OTOGL: variants seen among roughly 807,000 people sequenced by gnomAD.
OTOGL encodes otogelin-like protein.
In OTOGL, 285 loss-of-function variants were observed where a neutral mutation model predicts 318.5. The observed-to-expected ratio is 0.89, with a 90% CI of 0.81 to 0.99. OTOGL has a LOEUF of 0.99. Among genes scored for constraint, OTOGL ranks in the 50% least tolerant of loss-of-function variants. OTOGL has a pLI of 0.00. For missense variants in OTOGL, 2,899 were observed against 2,845.6 expected (o/e 1.02, Z -0.43); for synonymous variants, 987 against 936.5 (o/e 1.05, Z -0.99).
intron 29 of OTOGL, 82 bp downstream of exon 29, chr12:80,305,777 G>T: frequency 4.5e-6 from 5 of 1,101,902 alleles, no homozygotes; most frequent in South Asian, 2.7e-5. Flanking sequence ...TCTTATTTAG[G>T]TAATATTATT....
At chr12:80,217,791 C>G (rs1262187913) in intron 5 of OTOGL, 127 bp downstream of exon 5, 1 of 627,202 alleles carries the variant, frequency 1.6e-6, no homozygotes, top group Non-Finnish European at 2.6e-6. Flanking sequence ...GGTAGTAATA[C>G]TTAGTAATAA....
At position 80,155,910 on chromosome 12, in the gene OTOGL, G is replaced by C. The variant is rs116503396; in HGVS notation, c.-19-53503G>C. 6.6e-3 allele frequency among the ~76,000 whole-genome samples: 1,001 copies of C among 152,298 alleles called. 15 individuals carry two copies. Among genetic ancestry groups the C allele is most frequent in the African/African-American group, 0.021 (887 of 41,566 alleles). On this transcript the variant is annotated intron_variant, in intron 1 of 58. Transcript: ENST00000547103. Reference sequence around the variant, plus strand: ...CCTGGCTTATTTCACTTAGCATGATGACCTCCAGTTACGTCCACGTTGTGG... The same window carrying C: ...CCTGGCTTATTTCACTTAGCATGATCACCTCCAGTTACGTCCACGTTGTGG...
chr12:80,264,829 T>A (rs965162240), intron 19 of OTOGL, among the ~76,000 whole-genome samples, 172 bp from the exon 20 acceptor site: 1 of 152,174 alleles, frequency 6.6e-6, no homozygotes, highest in African/African-American at 2.4e-5. Flanking sequence ...GTGGATTAAG[T>A]GCTGTTACCA....
At chr12:80,293,729 C>T (rs960836239) in intron 26 of OTOGL, among the ~76,000 whole-genome samples, 1 of 151,704 alleles carries the variant, frequency 6.6e-6, no homozygotes, top group African/African-American at 2.4e-5. Context: ...CTCAGATCTT[C>T]CTGCAAAACA....
chr12:80,128,416 A>C (rs2137114614), intron 1 of OTOGL, among the ~76,000 whole-genome samples: 1 of 152,228 alleles, frequency 6.6e-6, no homozygotes, highest in Middle Eastern at 3.4e-3. Flanking sequence ...GTCTCAGAGG[A>C]GTACCCGGCT....
In OTOGL at chr12:80,313,542, T is replaced by C; in HGVS notation, c.3517T>C (p.Cys1173Arg). The change falls in exon 31 of 59, where the codon TGT becomes CGT. Residue 1173 changes from cysteine (C) to arginine (R), a missense_variant. By Grantham distance (180) the Cys-to-Arg change is radical. Around this residue, in one of 3 missense-constraint regions of OTOGL, gnomAD observed 2,607 missense variants for 2,524.9 expected, o/e 1.03. Transcript: ENST00000547103. ...DTCNCNLGGD[C>R]ECLCTSIAAY... ...ATGTAACTGCAATCTTGGTGGCGAC[T>C]GTGAGTGTTTGTGCACTAGTATAGC... is the stretch of plus-strand genomic sequence containing the variant. 6.2e-7 allele frequency: 1 copy of C among 1,612,468 alleles called. No individual in the cohort carries two copies. Among genetic ancestry groups the C allele is most frequent in the Non-Finnish European group, 8.5e-7 (1 of 1,178,634 alleles).
chr12:80,115,922 A>G lies in OTOGL; in HGVS notation c.-20+16317A>G, dbSNP rs1357195060. 3.3e-5 allele frequency among the ~76,000 whole-genome samples: 5 copies of G among 152,126 alleles called. No individual in the cohort carries two copies. In the South Asian group the frequency reaches 1.0e-3, roughly 32 times the overall value. On this transcript the variant is annotated intron_variant, in intron 1 of 58. Coordinates refer to ENST00000547103, the MANE Select transcript of OTOGL (RefSeq NM_001378609.3). ...CCCCCCACCAAGCTTCAGTGTCCCA[A>G]GTTGACTTCAGACTGCTGTGCTGGC...
At chr12:80,157,231 A>G (rs961899400) in intron 1 of OTOGL, among the ~76,000 whole-genome samples, 1 of 152,074 alleles carries the variant, frequency 6.6e-6, no homozygotes, top group Non-Finnish European at 1.5e-5. Flanking sequence ...TGCCATTTGT[A>G]TGTCTTCTTT....
Position 80,328,657 on chromosome 12 carries a change from A to T in OTOGL, c.4200-8A>T. ...TTCACTTTGATTTACTCTTTTTTCC[A>T]TGTAAAGGGTTGAAGGATGCTTGCC... On this transcript the variant is annotated splice_polypyrimidine_tract_variant and splice_region_variant and intron_variant, in intron 35 of 58. Transcript: ENST00000547103. 2.5e-6 allele frequency: 4 copies of T among 1,574,438 alleles called. No individual in the cohort carries two copies. Among genetic ancestry groups the T allele is most frequent in the Non-Finnish European group, 3.5e-6 (4 of 1,148,152 alleles).
rs1176899857 is a variant in OTOGL, at chr12:80,287,896, C to T, written c.2928+8730C>T. Among the ~76,000 whole-genome samples the T allele has an allele frequency of 2.6e-5, 4 of 152,228 alleles. No homozygotes were observed. The East Asian group carries it at 7.7e-4, about 29-fold the overall frequency. ...TTAATTGGGGCATTTAGTGCATTTCCATTTAAGGTTAATATTTTTAGGTGT... is the reference window on the plus strand; with the variant it reads ...TTAATTGGGGCATTTAGTGCATTTCTATTTAAGGTTAATATTTTTAGGTGT... On this transcript the variant is annotated intron_variant, in intron 26 of 58. Transcript: ENST00000547103.
At chr12:80,140,045 G>A (rs577077354) in intron 1 of OTOGL, among the ~76,000 whole-genome samples, 3 of 152,222 alleles carry the variant, frequency 2.0e-5, no homozygotes, top group South Asian at 2.1e-4. Context: ...CCCAACTACT[G>A]TATTCTTCTC....
chr12:80,150,514 A>G (rs908805632), intron 1 of OTOGL, among the ~76,000 whole-genome samples: 1 of 152,204 alleles, frequency 6.6e-6, no homozygotes, highest in African/African-American at 2.4e-5. Flanking sequence ...CGATGGACCA[A>G]TCATGGGATT....
At chr12:80,102,237 T>C (rs1308337882) in intron 1 of OTOGL, among the ~76,000 whole-genome samples, 1 of 152,222 alleles carries the variant, frequency 6.6e-6, no homozygotes, top group Non-Finnish European at 1.5e-5. Context: ...CTACGATCTA[T>C]CAATCAGCTT....
In OTOGL at chr12:80,278,187, A is replaced by C. The variant is rs2137618561; in HGVS notation, c.2701A>C (p.Lys901Gln). Residue 901 changes from lysine to glutamine, a missense_variant, in exon 25 of 59, where the codon AAG (lysine) becomes CAG (glutamine). Physicochemically the swap from Lys to Gln is moderately conservative, Grantham distance 53. Coordinates refer to ENST00000547103, the MANE Select transcript of OTOGL (RefSeq NM_001378609.3). ...TGGAAGAATGGCAGAGCACAGAGGA[A>C]AGTGTTATGTTCCTGAAAGCTGCCC... ...CAPGMAEHRG[K>Q]CYVPESCPCI... 4.5e-6 allele frequency: 7 copies of C among 1,546,484 alleles called. No individual in the cohort carries two copies. The highest frequency in any genetic ancestry group is 6.1e-6 in the Non-Finnish European group (7 of 1,143,948).
chr12:80,192,270 C>G (rs1266967193), intron 1 of OTOGL, among the ~76,000 whole-genome samples: 1 of 152,206 alleles, frequency 6.6e-6, no homozygotes, highest in East Asian at 1.9e-4. Flanking sequence ...GGTTGATTTT[C>G]TAACTCTGAC....
chr12:80,107,763 A>G (rs1055067068), intron 1 of OTOGL, among the ~76,000 whole-genome samples: 2 of 152,140 alleles, frequency 1.3e-5, no homozygotes, highest in African/African-American at 2.4e-5. Context: ...GGAATACTAC[A>G]TAGCCATAAA....
At position 80,256,351 on chromosome 12, in the gene OTOGL, C is replaced by T. The variant is rs761378245; in HGVS notation, c.1602C>T (p.Val534=). ...KAPCEQNLGL[V]CLQSITLILE... ...TTTTTACGCAGAATCTTGGCTTGGT[C>T]TGCCTTCAGTCTATAACTCTGATTC... The change falls in exon 17 of 59, where the codon GTC becomes GTT. Residue 534 remains valine (V), a synonymous_variant. Coordinates refer to ENST00000547103, the MANE Select transcript of OTOGL (RefSeq NM_001378609.3). 2.5e-6 allele frequency: 4 copies of T among 1,595,924 alleles called. No individual in the cohort carries two copies. The highest frequency in any genetic ancestry group is 3.4e-6 in the Non-Finnish European group (4 of 1,177,434).
At chr12:80,162,487 T>A (rs1873579444) in intron 1 of OTOGL, among the ~76,000 whole-genome samples, 2 of 151,918 alleles carry the variant, frequency 1.3e-5, no homozygotes, top group South Asian at 4.2e-4. Flanking sequence ...TGAGTGACTT[T>A]AAAAAAAACA....
intron 1 of OTOGL, among the ~76,000 whole-genome samples, chr12:80,149,575 T>C (rs113941621): frequency 6.6e-6 from 1 of 152,138 alleles, no homozygotes; most frequent in Non-Finnish European, 1.5e-5. Flanking sequence ...GCAGGCCTCC[T>C]TGAGCTGTGG....
Sources: allele counts gnomAD v4.1 joint callset (sites outside exome capture counted in the v4.1 genomes callset), GRCh38; gene constraint gnomAD v4.1.1; regional missense constraint gnomAD v4.1.1; transcripts MANE v1.5; gene names NCBI Gene and HGNC (gene_info 2026-07-23, HGNC 2026-07-21).